LPP: variants seen among roughly 807,000 people sequenced by gnomAD.
LPP encodes lipoma-preferred partner.
Under a neutral mutation model 60.4 loss-of-function variants are expected in LPP, and 38 were observed. That is an observed-to-expected ratio of 0.63 (90% CI 0.49 to 0.83). The LOEUF (loss-of-function observed/expected upper bound fraction) is 0.83. LPP is among the 40% of genes least tolerant of loss of function. LPP has a pLI of 0.00. For synonymous variants in LPP, 328 were observed against 290.8 expected (o/e 1.13, Z -1.30); for missense variants, 902 against 783.6 (o/e 1.15, Z -1.80).
At chr3:188,677,445 G>A (rs1176333686) in intron 7 of LPP, among the ~76,000 whole-genome samples, 1 of 152,064 alleles carries the variant, frequency 6.6e-6, no homozygotes, top group Non-Finnish European at 1.5e-5. Flanking sequence ...TCAGTTTCTG[G>A]TATCTCTTCA....
At chr3:188,851,290 AATTT>A (rs1762618238) in intron 9 of LPP, among the ~76,000 whole-genome samples, 2 of 152,218 alleles carry the variant, frequency 1.3e-5, no homozygotes, top group Admixed American at 1.3e-4. Context: ...ATAATTAAAT[AATTT>A]GTCTTTATTG....
In LPP at chr3:188,879,283, T is replaced by C. The variant is rs1371806008; in HGVS notation, c.*4804T>C. 1.3e-5 allele frequency: 3 copies of C among 228,898 alleles called. No homozygotes were observed. Among genetic ancestry groups the C allele is most frequent in the Non-Finnish European group, 2.6e-5 (3 of 115,296 alleles). The allele number at this position is 228,898 out of a possible 1,614,324, so 14.2% of individuals were successfully genotyped here. ...CCCTTCCTTTCTTCCTCTTCCTTCC[T>C]CCTCTTCTTATTTTCTTTCCTACTT... On this transcript the variant is annotated 3_prime_UTR_variant, in exon 12 of 12. Transcript: ENST00000617246.
chr3:188,713,221 C>G (rs1306812654), intron 8 of LPP, among the ~76,000 whole-genome samples: 1 of 152,142 alleles, frequency 6.6e-6, no homozygotes, highest in Non-Finnish European at 1.5e-5. Context: ...TATTTCAGCT[C>G]TATCCAACCA....
chr3:188,609,275 C>T lies in LPP; in HGVS notation c.544C>T (p.Pro182Ser), dbSNP rs746884234. The T allele has an allele frequency of 1.4e-5, 22 of 1,614,102 alleles. No homozygotes were observed. The highest frequency in any genetic ancestry group is 1.8e-5 in the Non-Finnish European group (21 of 1,180,010). Reference sequence around the variant, plus strand: ...AGCAACCAAGAAGTCTACATTGAAACCACAGCCTGCACCCCAGGCTGGACC... The same window carrying T: ...AGCAACCAAGAAGTCTACATTGAAATCACAGCCTGCACCCCAGGCTGGACC... ...LTATKKSTLK[P>S]QPAPQAGPIP... The change falls in exon 7 of 12, where the codon CCA becomes TCA. Residue 182 changes from proline (P) to serine (S), a missense_variant. Coordinates refer to ENST00000617246, the MANE Select transcript of LPP (RefSeq NM_001375462.1). This position sits in a 1 kb window ranked among gnomAD's most constrained non-coding sequence, Gnocchi z 6.9.
intron 6 of LPP, among the ~76,000 whole-genome samples, chr3:188,561,861 T>C (rs1014353911): frequency 1.3e-5 from 2 of 152,040 alleles, no homozygotes; most frequent in Non-Finnish European, 2.9e-5. Context: ...AGGGAGACAT[T>C]CCAGAAGAGG....
chr3:188,439,610 A>G (rs1460789707), intron 4 of LPP, among the ~76,000 whole-genome samples: 14 of 152,182 alleles, frequency 9.2e-5, no homozygotes, highest in Non-Finnish European at 1.8e-4. Context: ...TACTTCTTTT[A>G]TACCTGGCTT....
At chr3:188,642,828 C>T (rs1194762359) in intron 7 of LPP, among the ~76,000 whole-genome samples, 2 of 151,962 alleles carry the variant, frequency 1.3e-5, no homozygotes, top group Non-Finnish European at 2.9e-5. Context: ...CCCAGCTACT[C>T]GGGAAGCTGA....
chr3:188,611,601 A>G (rs952594595), intron 7 of LPP, among the ~76,000 whole-genome samples: 1 of 152,222 alleles, frequency 6.6e-6, no homozygotes, highest in Non-Finnish European at 1.5e-5. Context: ...TAGACAGACA[A>G]TTTAGCCCTG....
chr3:188,173,877 A>G (rs1259421376), intron 1 of LPP, among the ~76,000 whole-genome samples: 2 of 152,186 alleles, frequency 1.3e-5, no homozygotes, highest in East Asian at 3.9e-4. Flanking sequence ...TGAGTGAGCA[A>G]CTATCGGGGA....
At chr3:188,822,885 A>G (rs1385005387) in intron 9 of LPP, among the ~76,000 whole-genome samples, 1 of 152,128 alleles carries the variant, frequency 6.6e-6, no homozygotes. Flanking sequence ...AATCCCTCCA[A>G]AGTAAATCCC....
At chr3:188,515,730 G>A (rs1405122092) in intron 5 of LPP, among the ~76,000 whole-genome samples, 1 of 152,178 alleles carries the variant, frequency 6.6e-6, no homozygotes, top group Admixed American at 6.5e-5. Context: ...ATATTAATAA[G>A]ACTTGAGTTT....
intron 4 of LPP, among the ~76,000 whole-genome samples, chr3:188,407,805 T>TGAGA (rs1784012600): frequency 6.9e-6 from 1 of 144,576 alleles, no homozygotes; most frequent in Non-Finnish European, 1.5e-5. Flanking sequence ...TTTTTTTTTT[T>TGAGA]TTGAGATGGA....
At chr3:188,384,107 C>G (rs1777575254) in intron 3 of LPP, among the ~76,000 whole-genome samples, 1 of 152,184 alleles carries the variant, frequency 6.6e-6, no homozygotes, top group South Asian at 2.1e-4. Context: ...TTCTCATCCT[C>G]TCTGACCATT....
intron 7 of LPP, among the ~76,000 whole-genome samples, chr3:188,695,631 G>T (rs1863083086): frequency 6.6e-6 from 1 of 152,292 alleles, no homozygotes; most frequent in Non-Finnish European, 1.5e-5. Context: ...AGGTGAAGAC[G>T]CTAAAGGGGG....
intron 2 of LPP, among the ~76,000 whole-genome samples, chr3:188,300,956 A>T (rs903884283): frequency 2.0e-5 from 3 of 152,106 alleles, no homozygotes; most frequent in African/African-American, 7.2e-5. Flanking sequence ...CAGTCCTAAG[A>T]TTGATCTTTT....
At chr3:188,322,712 C>A (rs1482808485) in intron 2 of LPP, among the ~76,000 whole-genome samples, 1 of 152,164 alleles carries the variant, frequency 6.6e-6, no homozygotes, top group Non-Finnish European at 1.5e-5. Flanking sequence ...GGAGTCAGAC[C>A]TGTGTTTACT....
At chr3:188,606,225 G>T (rs1417502699) in intron 6 of LPP, among the ~76,000 whole-genome samples, 2 of 152,042 alleles carry the variant, frequency 1.3e-5, no homozygotes, top group Non-Finnish European at 2.9e-5. Context: ...CCTGTCCTTC[G>T]TGACTCCTCT....
At chr3:188,176,150 G>T (rs1479823971) in intron 1 of LPP, among the ~76,000 whole-genome samples, 1 of 152,072 alleles carries the variant, frequency 6.6e-6, no homozygotes, top group Admixed American at 6.5e-5. Flanking sequence ...GAACATTAGG[G>T]TCATCCTGGA....
chr3:188,282,485 A>T (rs1742447163), intron 2 of LPP, among the ~76,000 whole-genome samples: 1 of 151,842 alleles, frequency 6.6e-6, no homozygotes, highest in Non-Finnish European at 1.5e-5. Context: ...CTGGAGAGGG[A>T]GTCTTTATTT....
Sources: allele counts gnomAD v4.1 joint callset (sites outside exome capture counted in the v4.1 genomes callset), GRCh38; gene constraint gnomAD v4.1.1; non-coding constraint Gnocchi (gnomAD v3.1); transcripts MANE v1.5; gene names NCBI Gene and HGNC (gene_info 2026-07-23, HGNC 2026-07-21).